The following PPFIA2 variants were observed in gnomAD, a reference collection of about 807,000 sequenced individuals.
PPFIA2 encodes PPFI scaffold protein A2.
Under a neutral mutation model 175.5 loss-of-function variants are expected in PPFIA2, and 46 were observed. That is an observed-to-expected ratio of 0.26 (90% CI 0.21 to 0.34). PPFIA2 has a LOEUF of 0.34. PPFIA2 is among the 10% of genes least tolerant of loss of function. PPFIA2 has a pLI of 1.00. For synonymous variants in PPFIA2, 568 were observed against 511.4 expected, an observed-to-expected ratio of 1.11 and a Z score of -1.49; for missense variants, 1,179 against 1,506.1, an observed-to-expected ratio of 0.78 and a Z score of 3.60.
At chr12:81,731,081 T>G (rs908848350) in intron 3 of PPFIA2, among the ~76,000 whole-genome samples, 2 of 151,654 alleles carry the variant, frequency 1.3e-5, no homozygotes, top group African/African-American at 2.4e-5. Context: ...CTAACATCAC[T>G]TCCACTGCTA....
intron 4 of PPFIA2, among the ~76,000 whole-genome samples, chr12:81,522,203 G>C (rs982505963): frequency 6.6e-6 from 1 of 152,066 alleles, no homozygotes; most frequent in Non-Finnish European, 1.5e-5. Flanking sequence ...ATAATTTGTT[G>C]TAGGCTACTG....
intron 4 of PPFIA2, among the ~76,000 whole-genome samples, chr12:81,517,420 C>T (rs2062596939): frequency 6.6e-6 from 1 of 152,142 alleles, no homozygotes; most frequent in African/African-American, 2.4e-5. Flanking sequence ...ATGTCTTCTA[C>T]AGCCTGCACC....
intron 22 of PPFIA2, among the ~76,000 whole-genome samples, chr12:81,306,513 T>TTTTG (rs796634804): frequency 3.3e-5 from 5 of 151,528 alleles, no homozygotes; most frequent in Admixed American, 6.6e-5. Flanking sequence ...TCTTACTGTT[T>TTTTG]TTTGTTTGTT....
At chr12:81,523,420 A>T (rs2153258898) in intron 4 of PPFIA2, among the ~76,000 whole-genome samples, 1 of 152,328 alleles carries the variant, frequency 6.6e-6, no homozygotes, top group East Asian at 1.9e-4. Context: ...AATTAAAAAC[A>T]CAAAAGTATT....
intron 4 of PPFIA2, among the ~76,000 whole-genome samples, chr12:81,573,165 T>C (rs1298683508): frequency 6.6e-6 from 1 of 151,946 alleles, no homozygotes; most frequent in Non-Finnish European, 1.5e-5. Context: ...GCAGATTAAT[T>C]GGCAGAAACA....
chr12:81,472,974 C>A (rs1207213042), intron 4 of PPFIA2: 1 of 152,166 alleles, frequency 6.6e-6, no homozygotes. Context: ...TTATCTTAAT[C>A]TTTGCAATTA....
intron 3 of PPFIA2, among the ~76,000 whole-genome samples, chr12:81,708,107 T>G (rs1339423999): frequency 6.6e-6 from 1 of 151,224 alleles, no homozygotes; most frequent in African/African-American, 2.4e-5. Context: ...CACCAGCATG[T>G]CACATGTATA....
At chr12:81,548,713 T>C (rs903533170) in intron 4 of PPFIA2, among the ~76,000 whole-genome samples, 11 of 152,126 alleles carry the variant, frequency 7.2e-5, no homozygotes, top group Non-Finnish European at 4.4e-5. Flanking sequence ...ATTTAAAGCT[T>C]GTATGTAAAA....
chr12:81,353,188 C>T lies in PPFIA2; in HGVS notation c.1925G>A (p.Gly642Asp). 1 of 1,613,838 alleles carries T rather than the reference C, an allele frequency of 6.2e-7. No individual in the cohort carries two copies. Among genetic ancestry groups the T allele is most frequent in the Non-Finnish European group, 8.5e-7 (1 of 1,179,818 alleles). The change falls in exon 17 of 33, where the codon GGT (glycine) becomes GAT (aspartate). Residue 642 changes from glycine to aspartate, a missense_variant. By Grantham distance (94) the Gly-to-Asp change is moderately conservative (BLOSUM62 -1). Transcript: ENST00000549396. ...GGCTAGCGTCTGGGCATCGGAATGA[C>T]CACTTGGAGAGAGAAGATCCATTGA... ...FSSMDLLSPS[G>D]HSDAQTLAMM...
At chr12:81,476,889 C>G (rs527246594) in intron 4 of PPFIA2, among the ~76,000 whole-genome samples, 5 of 152,032 alleles carry the variant, frequency 3.3e-5, no homozygotes, top group African/African-American at 4.8e-5. Flanking sequence ...TAAAAAGGAA[C>G]GAGATCATGT....
chr12:81,567,243 G>T (rs750895084), intron 4 of PPFIA2, among the ~76,000 whole-genome samples: 25 of 152,070 alleles, frequency 1.6e-4, no homozygotes, highest in Non-Finnish European at 2.9e-4. Context: ...TAGAGATGGG[G>T]TTTCACCGTG....
chr12:81,424,924 A>T (rs1164657611), intron 7 of PPFIA2: 1 of 152,216 alleles, frequency 6.6e-6, no homozygotes, highest in Non-Finnish European at 1.5e-5. Flanking sequence ...ATACAAATGT[A>T]TGCTTCTTGG....
chr12:81,288,939 A>C (rs1386680093), intron 24 of PPFIA2, among the ~76,000 whole-genome samples: 3 of 151,610 alleles, frequency 2.0e-5, no homozygotes, highest in Non-Finnish European at 4.4e-5. Context: ...AAGAGGAATC[A>C]AACAGACTAA....
At chr12:81,738,364 T>A (rs2081902503) in intron 3 of PPFIA2, among the ~76,000 whole-genome samples, 1 of 151,906 alleles carries the variant, frequency 6.6e-6, no homozygotes, top group African/African-American at 2.4e-5. Context: ...ATATTCAAGT[T>A]TATTTTTCAA....
At chr12:81,678,676 C>G (rs1033798119) in intron 3 of PPFIA2, among the ~76,000 whole-genome samples, 2 of 151,754 alleles carry the variant, frequency 1.3e-5, no homozygotes, top group African/African-American at 2.4e-5. Context: ...AAAATTGCTT[C>G]AAATATTGTA....
intron 4 of PPFIA2, among the ~76,000 whole-genome samples, chr12:81,670,966 CTA>C (rs1234533423): frequency 3.3e-5 from 5 of 151,914 alleles, no homozygotes; most frequent in Non-Finnish European, 7.4e-5. Context: ...TCTTATAACT[CTA>C]TATACATGTT....
intron 4 of PPFIA2, among the ~76,000 whole-genome samples, chr12:81,552,849 A>G (rs1285015215): frequency 6.6e-6 from 1 of 152,112 alleles, no homozygotes; most frequent in Non-Finnish European, 1.5e-5. Context: ...GAGAAACTAT[A>G]TTACAGATCT....
At chr12:81,421,111 C>A (rs190149971) in intron 7 of PPFIA2, among the ~76,000 whole-genome samples, 31 of 152,044 alleles carry the variant, frequency 2.0e-4, no homozygotes, top group African/African-American at 6.5e-4. Context: ...CTTTCCAATA[C>A]AAATGAAAAT....
At chr12:81,613,514 T>G (rs2061140104) in intron 4 of PPFIA2, among the ~76,000 whole-genome samples, 1 of 152,202 alleles carries the variant, frequency 6.6e-6, no homozygotes, top group African/African-American at 2.4e-5. Flanking sequence ...TGGATAAATT[T>G]AAATTATCCA....
Sources: gnomAD v4.1 joint callset for allele counts (sites outside exome capture counted in the v4.1 genomes callset) on GRCh38, gnomAD v4.1.1 for gene constraint, MANE v1.5 for transcripts, NCBI Gene and HGNC (gene_info 2026-07-23, HGNC 2026-07-21) for gene names.